Variants in HGF observed in about 807,000 individuals in gnomAD.
HGF encodes the protein hepatocyte growth factor, also known as fibroblast-derived tumor cytotoxic factor.
Under a neutral mutation model 111.6 loss-of-function variants are expected in HGF, and 39 were observed. The observed-to-expected ratio is 0.35, with a 90% confidence interval of 0.27 to 0.46. The LOEUF (loss-of-function observed/expected upper bound fraction) is 0.46, where lower values mean the gene tolerates loss of function less well. Ranked by LOEUF, HGF falls within the 20% of genes least tolerant of loss-of-function variation. The pLI, the probability that HGF is intolerant of heterozygous loss-of-function variation, is 1.00. For missense variants in HGF, 735 were observed against 910.5 expected (o/e 0.81, Z 2.48); for synonymous variants, 285 against 294.8 (o/e 0.97, Z 0.34).
rs577625800 is a variant in HGF at position 81,702,315 on chromosome 7, G to C, written c.*266C>G. On this transcript the variant is annotated 3_prime_UTR_variant, in exon 18 of 18. Coordinates refer to ENST00000222390, the MANE Select transcript of HGF (RefSeq NM_000601.6). ...TCTTTATCATCCAGCAAATATACCT[G>C]TGTGTTTTTTTAATCCATTCAAGTA... The C allele has an allele frequency of 3.5e-5, 13 of 371,424 alleles. No individual in the cohort carries two copies. In the East Asian group the frequency reaches 5.5e-4, roughly 16 times the overall value. 23.0% of individuals were successfully genotyped at this position (371,424 alleles called of 1,614,324 possible). A position where few individuals can be genotyped will look rare whatever the true frequency, so the allele number is the denominator to read the frequency against.
rs914667784 is a variant in HGF, at chr7:81,757,102, T to C, written c.482+87A>G. 6.7e-5 allele frequency: 52 copies of C among 778,340 alleles called. 1 individual carries two copies. The South Asian group carries it at 7.3e-4, about 11-fold the overall frequency. 48.2% of individuals were successfully genotyped at this position (778,340 alleles called of 1,614,324 possible). A position where few individuals can be genotyped will look rare whatever the true frequency, so the allele number is the denominator to read the frequency against. On this transcript the variant is annotated intron_variant, in intron 4 of 17. Coordinates refer to ENST00000222390, the MANE Select transcript of HGF (RefSeq NM_000601.6). The stretch of plus-strand genomic sequence containing the variant: ...CAAGTTGGCTAAGTTATTTTAGGAT[T>C]GTAGAATTATTCTGAAGGACTAATA...
At chr7:81,737,309 G>A (rs1316709351) in intron 7 of HGF, among the ~76,000 whole-genome samples, 1 of 152,012 alleles carries the variant, frequency 6.6e-6, no homozygotes, top group Non-Finnish European at 1.5e-5. Flanking sequence ...ATCAATAAGA[G>A]AAGAGGCGAG....
At chr7:81,722,854 T>TATATATATATATATATATACAC (rs1256240012) in intron 9 of HGF, among the ~76,000 whole-genome samples, 10 of 145,744 alleles carry the variant, frequency 6.9e-5, no homozygotes, top group African/African-American at 2.4e-4. Context: ...GGTATATATA[T>TATATATATATATATATATACAC]ATATATATGT....
chr7:81,725,845 C>T (rs1789991461), intron 9 of HGF, 45 bp downstream of exon 9: 4 of 1,605,958 alleles, frequency 2.5e-6, no homozygotes, highest in East Asian at 4.5e-5. Flanking sequence ...TTAGGCATTT[C>T]CCCTGAATTT....
chr7:81,699,646 C>A lies in HGF; in HGVS notation c.*2935G>T, dbSNP rs537276806. On this transcript the variant is annotated 3_prime_UTR_variant, in exon 18 of 18. Transcript: ENST00000222390. ...TTAAAAACAACAATGAAATGCCTGA[C>A]AGCAATTTCCCACTTCTTGACAGTG... is the stretch of plus-strand genomic sequence containing the variant. 10 of 151,752 alleles carry A rather than the reference C, an allele frequency of 6.6e-5. No homozygotes were observed. The highest frequency in any genetic ancestry group is 2.4e-4 in the African/African-American group (10 of 41,520). 9.4% of individuals were successfully genotyped at this position (151,752 alleles called of 1,614,324 possible).
At chr7:81,768,686 G>A (rs1789485658) in intron 1 of HGF, among the ~76,000 whole-genome samples, 1 of 152,120 alleles carries the variant, frequency 6.6e-6, no homozygotes, top group Non-Finnish European at 1.5e-5. Context: ...ACCCTGTGAA[G>A]CGATTTTAAC....
intron 8 of HGF, among the ~76,000 whole-genome samples, chr7:81,728,551 G>T (rs1790080524): frequency 6.6e-6 from 1 of 152,074 alleles, no homozygotes; most frequent in Non-Finnish European, 1.5e-5. Context: ...CATGGGTCAC[G>T]AATAGAGAGT....
intron 10 of HGF, among the ~76,000 whole-genome samples, chr7:81,719,791 A>G (rs1268813720): frequency 6.6e-6 from 1 of 152,154 alleles, no homozygotes; most frequent in African/African-American, 2.4e-5. Flanking sequence ...ATAATCCACT[A>G]TTGAGTACAT....
At chr7:81,765,845 G>A (rs759340720) in intron 1 of HGF, among the ~76,000 whole-genome samples, 7 of 152,146 alleles carry the variant, frequency 4.6e-5, no homozygotes, top group Non-Finnish European at 7.4e-5. Flanking sequence ...AATTTGGGAA[G>A]AAACTCAAAA....
Position 81,717,380 on chromosome 7 carries a change from G to C in HGF, c.1272-15C>G. 6.2e-7 allele frequency: 1 copy of C among 1,611,436 alleles called. No homozygotes were observed. Among genetic ancestry groups the C allele is most frequent in the Non-Finnish European group, 8.5e-7 (1 of 1,177,752 alleles). On this transcript the variant is annotated splice_polypyrimidine_tract_variant and intron_variant, in intron 10 of 17. Transcript: ENST00000222390. ...AGAAGATATGACTGTGGAAACAACA[G>C]GCCTTGCACATCACAAGATGCTCAT...
chr7:81,747,525 G>C (rs1788318972), intron 5 of HGF, among the ~76,000 whole-genome samples: 1 of 151,866 alleles, frequency 6.6e-6, no homozygotes, highest in Admixed American at 6.6e-5. Context: ...TGCAGTTGTG[G>C]GCCTAAAAAT....
rs983276092 is a variant in HGF at position 81,760,690 on chromosome 7, T to C, written c.255-1886A>G. On this transcript the variant is annotated intron_variant, in intron 2 of 17. Coordinates refer to ENST00000222390, the MANE Select transcript of HGF (RefSeq NM_000601.6). ...GTGTCTATGTGCGTGCGTGTGTGTG[T>C]GTGTGTGTGTGTGTGTGTGTGTGTG... 6.9e-3 allele frequency among the ~76,000 whole-genome samples: 1,024 copies of C among 148,356 alleles called. 13 individuals are homozygous for C. Among genetic ancestry groups the C allele is most frequent in the African/African-American group, 0.023 (942 of 40,580 alleles).
At chr7:81,729,379 G>T (rs1300805720) in intron 8 of HGF, among the ~76,000 whole-genome samples, 1 of 152,086 alleles carries the variant, frequency 6.6e-6, no homozygotes, top group African/African-American at 2.4e-5. Context: ...TCTACCCTCT[G>T]GATCTGAACC....
At chr7:81,739,309 T>G (rs2115989215) in intron 7 of HGF, among the ~76,000 whole-genome samples, 1 of 152,288 alleles carries the variant, frequency 6.6e-6, no homozygotes, top group Non-Finnish European at 1.5e-5. Context: ...TGTTGTATTT[T>G]GTGTTGAATA....
chr7:81,745,843 G>A (rs993883466), intron 5 of HGF, among the ~76,000 whole-genome samples: 19 of 152,132 alleles, frequency 1.2e-4, no homozygotes, highest in Admixed American at 1.1e-3. Flanking sequence ...ATTTTGTGAG[G>A]TTAATTCATT....
intron 1 of HGF, among the ~76,000 whole-genome samples, chr7:81,763,531 A>G (rs2116246739): frequency 6.6e-6 from 1 of 152,314 alleles, no homozygotes; most frequent in Admixed American, 6.5e-5. Context: ...TTAATGCAGC[A>G]ATATCATTTT....
At position 81,755,914 on chromosome 7, in the gene HGF, T is replaced by G. The variant is rs111868492; in HGVS notation, c.482+1275A>C. On this transcript the variant is annotated intron_variant, in intron 4 of 17. Transcript: ENST00000222390. ...TGTTAATTAGGCCAAGATCATAGGTTTAATCCCAGTGTGGAGCAACAAACT... is the reference window on the plus strand; with the variant it reads ...TGTTAATTAGGCCAAGATCATAGGTGTAATCCCAGTGTGGAGCAACAAACT... 1,701 of 672,234 alleles carry G rather than the reference T, an allele frequency of 2.5e-3. 24 individuals carry two copies. In the African/African-American group the frequency reaches 0.027, roughly 11 times the overall value. The allele number at this position is 672,234 out of a possible 1,614,324, so 41.6% of individuals were successfully genotyped here.
chr7:81,757,200 T>C lies in HGF; in HGVS notation c.471A>G (p.Pro157=), dbSNP rs142045938. 221 of 1,542,856 alleles carry C rather than the reference T, an allele frequency of 1.4e-4. No homozygotes were observed. Among genetic ancestry groups the C allele is most frequent in the Middle Eastern group, 3.4e-4 (2 of 5,956 alleles). Reference sequence around the variant, plus strand: ...CATACTGTTCTTACCTGTGTTCGTGTGGTATCATGGAACTCCAGGGCTGAC... The same window carrying C: ...CATACTGTTCTTACCTGTGTTCGTGCGGTATCATGGAACTCCAGGGCTGAC... The part of the protein sequence containing the change: ...IKCQPWSSMI[P]HEHSFLPSSY... The change falls in exon 4 of 18, where the codon CCA becomes CCG. Residue 157 remains proline, a synonymous_variant. Transcript: ENST00000222390.
At chr7:81,747,084 A>G (rs1788288824) in intron 5 of HGF, among the ~76,000 whole-genome samples, 2 of 152,172 alleles carry the variant, frequency 1.3e-5, no homozygotes, top group Non-Finnish European at 2.9e-5. Context: ...CACGCCTGTA[A>G]TCCCAGCACT....
Sources: gnomAD v4.1 joint callset for allele counts (sites outside exome capture counted in the v4.1 genomes callset) on GRCh38, gnomAD v4.1.1 for gene constraint, MANE v1.5 for transcripts, NCBI Gene and HGNC (gene_info 2026-07-23, HGNC 2026-07-21) for gene names.